ASAP2: variants seen among roughly 807,000 people sequenced by gnomAD.
ASAP2 encodes arf-GAP with SH3 domain, ANK repeat and PH domain-containing protein 2.
Under a neutral mutation model 131.4 loss-of-function variants are expected in ASAP2, and 45 were observed. The observed-to-expected ratio is 0.34, with a 90% confidence interval of 0.27 to 0.44. ASAP2 has a LOEUF of 0.44. Among genes scored for constraint, ASAP2 ranks in the 20% least tolerant of loss-of-function variants. The probability of loss-of-function intolerance (pLI) is 1.00; values close to 1 mark genes in which losing one functional copy is unlikely to be tolerated. For missense variants in ASAP2, 1,011 were observed against 1,297.0 expected (o/e 0.78, Z 3.39); for synonymous variants, 510 against 503.0 (o/e 1.01, Z -0.19).
intron 1 of ASAP2, among the ~76,000 whole-genome samples, chr2:9,267,919 AAAAG>A (rs1187143719): frequency 2.0e-5 from 3 of 151,390 alleles, no homozygotes; most frequent in Non-Finnish European, 4.4e-5. Context: ...AAAAAAAAAA[AAAAG>A]AATGATTATA....
intron 1 of ASAP2, among the ~76,000 whole-genome samples, chr2:9,224,763 A>G (rs1270351171): frequency 1.3e-5 from 2 of 152,134 alleles, no homozygotes; most frequent in African/African-American, 4.8e-5. Flanking sequence ...TTTTTTATCC[A>G]TCCATCTGTC....
Position 9,391,177 on chromosome 2 carries a change from T to G in ASAP2, c.2499T>G (p.Pro833=), listed in dbSNP as rs1675691193. The G allele has an allele frequency of 6.2e-7, 1 of 1,613,808 alleles. No individual in the cohort carries two copies. Among genetic ancestry groups the G allele is most frequent in the Admixed American group, 1.7e-5 (1 of 59,936 alleles). Residue 833 remains proline (P), a synonymous_variant, in exon 23 of 28, where the codon CCT becomes CCG. Coordinates refer to ENST00000281419, the MANE Select transcript of ASAP2 (RefSeq NM_003887.3). ...CAGCTGTCCATCCACCGCTGCCCCC[T>G]CTTCGCGTGACATCTACCAGTACGT... ...DPPAVHPPLP[P]LRVTSTNPLT... is the part of the protein sequence containing the mutation.
intron 9 of ASAP2, among the ~76,000 whole-genome samples, chr2:9,343,635 C>T (rs1278128447): frequency 3.9e-5 from 6 of 152,124 alleles, no homozygotes; most frequent in African/African-American, 9.7e-5. Context: ...TTTGTAGAAA[C>T]GAGGTCTTGC....
In ASAP2 at chr2:9,297,473, C is replaced by T. The variant is rs375793564; in HGVS notation, c.345+28C>T. 4.4e-5 allele frequency: 71 copies of T among 1,611,022 alleles called. No homozygotes were observed. The African/African-American group carries it at 5.5e-4, about 12-fold the overall frequency. On this transcript the variant is annotated intron_variant, in intron 3 of 27. Transcript: ENST00000281419. ...AAGCAGCTCTGTGTATGAAATGCTG[C>T]GGTTACTTCAGTTGGGAAAGTGGCT...
intron 1 of ASAP2, among the ~76,000 whole-genome samples, chr2:9,246,573 C>G (rs1664354126): frequency 6.6e-6 from 1 of 152,130 alleles, no homozygotes; most frequent in African/African-American, 2.4e-5. Flanking sequence ...GCATGAGCCA[C>G]CACGCCCAGC....
intron 2 of ASAP2, among the ~76,000 whole-genome samples, chr2:9,291,286 T>A (rs1667789787): frequency 6.6e-6 from 1 of 152,200 alleles, no homozygotes; most frequent in Admixed American, 6.5e-5. Flanking sequence ...CATTAGTAAA[T>A]TGGAAATGAA....
chr2:9,215,367 A>ACCATGCTCATAAATG (rs1163452139), intron 1 of ASAP2, among the ~76,000 whole-genome samples: 1 of 152,212 alleles, frequency 6.6e-6, no homozygotes, highest in Admixed American at 6.5e-5. Context: ...ATGCTTCTTT[A>ACCATGCTCATAAATG]CTAAAGCATT....
chr2:9,289,388 A>G (rs956033365), intron 2 of ASAP2, among the ~76,000 whole-genome samples: 2 of 152,196 alleles, frequency 1.3e-5, no homozygotes, highest in Non-Finnish European at 2.9e-5. Flanking sequence ...TGTGTTCATT[A>G]GTGCTTGCTG....
chr2:9,289,110 A>C (rs1194126767), intron 2 of ASAP2, among the ~76,000 whole-genome samples: 1 of 152,152 alleles, frequency 6.6e-6, no homozygotes, highest in Non-Finnish European at 1.5e-5. Context: ...GTGTGTTGGC[A>C]GGTACCAAGG....
rs759872394 is a variant in ASAP2 at position 9,268,347 on chromosome 2, T to A, written c.127-10970T>A. On this transcript the variant is annotated intron_variant, in intron 1 of 27. Coordinates refer to ENST00000281419, the MANE Select transcript of ASAP2 (RefSeq NM_003887.3). This position sits in a 1 kb window ranked among gnomAD's most constrained non-coding sequence, Gnocchi z 4.1. ...TTTACTCTGAGTAATTTTAATTTTT[T>A]AAGATAATACCAAAACACGCCCTTC... 3.9e-5 allele frequency among the ~76,000 whole-genome samples: 6 copies of A among 152,220 alleles called. No individual in the cohort carries two copies. The highest frequency in any genetic ancestry group is 5.9e-5 in the Non-Finnish European group (4 of 68,048).
intron 1 of ASAP2, among the ~76,000 whole-genome samples, chr2:9,260,307 ATCCAGAATCT>A (rs1216697782): frequency 1.3e-5 from 2 of 152,222 alleles, no homozygotes; most frequent in Non-Finnish European, 2.9e-5. Context: ...ATGAGGTGGG[ATCCAGAATCT>A]GCTGCTGGGG....
At chr2:9,219,283 C>G (rs1387524540) in intron 1 of ASAP2, among the ~76,000 whole-genome samples, 1 of 152,200 alleles carries the variant, frequency 6.6e-6, no homozygotes, top group Non-Finnish European at 1.5e-5. Context: ...CAGTGATTTT[C>G]ACATTTGCCC....
At chr2:9,315,172 A>G (rs1339326325) in intron 3 of ASAP2, among the ~76,000 whole-genome samples, 1 of 152,156 alleles carries the variant, frequency 6.6e-6, no homozygotes, top group African/African-American at 2.4e-5. Context: ...GAAAATAAGG[A>G]TGGATTGTGG....
At chr2:9,380,627 C>A in intron 19 of ASAP2, 114 bp from the exon 20 acceptor site, 1 of 967,872 alleles carries the variant, frequency 1.0e-6, no homozygotes, top group Non-Finnish European at 1.7e-6. Flanking sequence ...ATTTCATTAA[C>A]CAGGCCCAAT....
intron 2 of ASAP2, among the ~76,000 whole-genome samples, chr2:9,285,688 A>G (rs779789242): frequency 2.0e-5 from 3 of 152,216 alleles, no homozygotes; most frequent in Non-Finnish European, 2.9e-5. Flanking sequence ...TAGCTGTTTG[A>G]CATATCAGTG....
In ASAP2 at chr2:9,208,409, TG is replaced by T. The variant is rs1173349747; in HGVS notation, c.126+1181del. Among the ~76,000 whole-genome samples the T allele has an allele frequency of 9.5e-5, 14 of 147,202 alleles. 1 individual carries two copies. The highest frequency in any genetic ancestry group is 3.6e-4 in the African/African-American group (14 of 39,108). On this transcript the variant is annotated intron_variant, in intron 1 of 27. Coordinates refer to ENST00000281419, the MANE Select transcript of ASAP2 (RefSeq NM_003887.3). ...AAGCAATGGCGTTATTTTTTTTTTC[TG>T]GTTTTTTTTTTTTTTTCCCATTTGA...
intron 2 of ASAP2, among the ~76,000 whole-genome samples, chr2:9,287,167 C>T (rs943752154): frequency 5.9e-5 from 9 of 152,180 alleles, no homozygotes; most frequent in African/African-American, 9.7e-5. Flanking sequence ...GGTGCTGAGG[C>T]GGGAAGTTGC....
chr2:9,279,014 G>A (rs1666943692), intron 1 of ASAP2, among the ~76,000 whole-genome samples: 1 of 152,176 alleles, frequency 6.6e-6, no homozygotes, highest in Non-Finnish European at 1.5e-5. Context: ...CGCTGCAGAG[G>A]GCTCACGTCC....
chr2:9,279,352 G>T lies in ASAP2; in HGVS notation c.162G>T (p.Met54Ile), dbSNP rs760951088. ...TGGACCGGATGGTTCTTTACAAAATGAAGAAATCCGTGAAAGCAATCAACA... is the reference window on the plus strand; with the variant it reads ...TGGACCGGATGGTTCTTTACAAAATTAAGAAATCCGTGAAAGCAATCAACA... ...LDVDRMVLYK[M>I]KKSVKAINSS... The change falls in exon 2 of 28, where the codon ATG becomes ATT. Residue 54 changes from methionine to isoleucine, a missense_variant. By Grantham distance (10) the Met-to-Ile change is conservative (BLOSUM62 1). This residue lies in a region of ASAP2 where 359 missense variants were observed against 598.1 expected (regional missense o/e 0.60). Transcript: ENST00000281419. 6.2e-6 allele frequency: 10 copies of T among 1,614,042 alleles called. No individual in the cohort carries two copies. The highest frequency in any genetic ancestry group is 8.5e-6 in the Non-Finnish European group (10 of 1,180,018).
Sources: gnomAD v4.1 joint callset for allele counts (sites outside exome capture counted in the v4.1 genomes callset) on GRCh38, gnomAD v4.1.1 for gene constraint, gnomAD v4.1.1 regional missense constraint, Gnocchi (gnomAD v3.1) non-coding constraint, MANE v1.5 for transcripts, NCBI Gene and HGNC (gene_info 2026-07-23, HGNC 2026-07-21) for gene names.